SLC17A1: variants seen among roughly 807,000 people sequenced by gnomAD.
The protein encoded by SLC17A1 is solute carrier family 17 member 1.
Under a neutral mutation model 53.5 loss-of-function variants are expected in SLC17A1, and 51 were observed. That is an observed-to-expected ratio of 0.95 (90% CI 0.76 to 1.20). The LOEUF (loss-of-function observed/expected upper bound fraction) is 1.20. SLC17A1 is among the 50% of genes most tolerant of loss of function. The probability of loss-of-function intolerance (pLI) is 0.00; values close to 1 mark genes in which losing one functional copy is unlikely to be tolerated. For missense variants in SLC17A1, 538 were observed against 568.2 expected (o/e 0.95, Z 0.54); for synonymous variants, 179 against 198.8 (o/e 0.90, Z 0.84).
At chr6:25,768,287 G>T in the SLC17A1 span, 2 of 771,064 alleles carry the variant, frequency 2.6e-6, no homozygotes, top group Middle Eastern at 6.6e-4. Flanking sequence ...CAAGAAAATG[G>T]CATCTTCATA....
chr6:25,830,630 T>C (rs1764913792), intron 1 of SLC17A1, 23 bp from the exon 2 acceptor site: 5 of 1,567,790 alleles, frequency 3.2e-6, no homozygotes, highest in Middle Eastern at 1.7e-4. Context: ...AACACGTTGA[T>C]GTCAGCATAA....
At chr6:25,791,337 A>C (rs1408911678) in intron 12 of SLC17A1, among the ~76,000 whole-genome samples, 1 of 152,194 alleles carries the variant, frequency 6.6e-6, no homozygotes, top group African/African-American at 2.4e-5. Flanking sequence ...AGTGAAAATG[A>C]TGTTTTTTTT....
Position 25,802,935 on chromosome 6 carries a change from C to CTTTTTTTTTTTTTTTTTTTT in SLC17A1, c.1179-1975_1179-1956dup, listed in dbSNP as rs34669145. On this transcript the variant is annotated intron_variant, in intron 10 of 12. Coordinates refer to ENST00000244527, the MANE Select transcript of SLC17A1 (RefSeq NM_005074.5). The stretch of plus-strand genomic sequence containing the variant: ...ATGACGTTTTAACGACTATCTTCTT[C>CTTTTTTTTTTTTTTTTTTTT]TTTTTTTTTTTTTTTTTTTTTTTTT... 3.0e-4 allele frequency among the ~76,000 whole-genome samples: 14 copies of CTTTTTTTTTTTTTTTTTTTT among 46,062 alleles called. 3 individuals carry two copies. Among genetic ancestry groups the CTTTTTTTTTTTTTTTTTTTT allele is most frequent in the African/African-American group, 8.1e-4 (9 of 11,086 alleles). The allele number at this position is 46,062 out of a possible 152,430, so 30.2% of individuals were successfully genotyped here. A position where few individuals can be genotyped will look rare whatever the true frequency, so the allele number is the denominator to read the frequency against.
chr6:25,803,683 A>C (rs780641828), intron 10 of SLC17A1, among the ~76,000 whole-genome samples: 7 of 152,080 alleles, frequency 4.6e-5, no homozygotes, highest in Non-Finnish European at 1.0e-4. Context: ...TCTGAACCTC[A>C]GTTTCTTTAG....
the SLC17A1 span, among the ~76,000 whole-genome samples, chr6:25,739,087 C>T: frequency 6.6e-6 from 1 of 151,726 alleles, no homozygotes; most frequent in Non-Finnish European, 1.5e-5. Context: ...TGGGCTGCTA[C>T]AACAAAAATA....
chr6:25,828,760 G>A (rs1245316528), intron 2 of SLC17A1, among the ~76,000 whole-genome samples: 3 of 152,070 alleles, frequency 2.0e-5, no homozygotes, highest in Admixed American at 6.5e-5. Context: ...TTATAGAATC[G>A]TTTGAACTAG....
the SLC17A1 span, chr6:25,725,987 G>A: frequency 1.4e-6 from 1 of 720,640 alleles, no homozygotes; most frequent in Non-Finnish European, 2.3e-6. Context: ...GCTTAAACGG[G>A]CATTTGTGAC....
rs149930691 is a variant in SLC17A1 at position 25,822,186 on chromosome 6, T to C, written c.208-2271A>G. ...TTTCTATAATCAGTGTTTCTTACTG[T>C]GGTAAAATATCTGTGTGTGTCTGTT... On this transcript the variant is annotated intron_variant, in intron 3 of 12. Coordinates refer to ENST00000244527, the MANE Select transcript of SLC17A1 (RefSeq NM_005074.5). Among the ~76,000 whole-genome samples the C allele has an allele frequency of 7.6e-3, 1,161 of 152,284 alleles. 6 individuals carry two copies. Among genetic ancestry groups the C allele is most frequent in the Middle Eastern group, 0.024 (7 of 294 alleles).
At chr6:25,798,688 C>G (rs951490727) in intron 12 of SLC17A1, 95 bp downstream of exon 12, 1 of 1,174,518 alleles carries the variant, frequency 8.5e-7, no homozygotes, top group Non-Finnish European at 1.2e-6. Flanking sequence ...CAAACCTGCA[C>G]CCGTTATTCC....
the SLC17A1 span, chr6:25,777,487 C>T: frequency 3.8e-5 from 6 of 157,034 alleles, no homozygotes; most frequent in Non-Finnish European, 8.3e-5. Flanking sequence ...GGGGAGCCGA[C>T]GTCTCATCTG....
the SLC17A1 span, among the ~76,000 whole-genome samples, chr6:25,766,741 C>CA: frequency 6.6e-6 from 1 of 152,186 alleles, no homozygotes; most frequent in Non-Finnish European, 1.5e-5. Context: ...GGATGCCCCA[C>CA]AAAACACCTG....
At chr6:25,747,744 G>A in the SLC17A1 span, among the ~76,000 whole-genome samples, 1 of 152,202 alleles carries the variant, frequency 6.6e-6, no homozygotes, top group African/African-American at 2.4e-5. Context: ...TTTGGAGTTG[G>A]AGAAGACAGC....
At chr6:25,819,209 G>T in intron 5 of SLC17A1, 55 bp from the exon 6 acceptor site, 1 of 1,259,438 alleles carries the variant, frequency 7.9e-7, no homozygotes, top group Non-Finnish European at 1.1e-6. Context: ...TGAAAGCAGA[G>T]ATAATGTAGC....
At chr6:25,799,226 G>GT (rs1221454630) in intron 11 of SLC17A1, among the ~76,000 whole-genome samples, 1 of 151,662 alleles carries the variant, frequency 6.6e-6, no homozygotes, top group East Asian at 1.9e-4. Context: ...TCTTTTCAAG[G>GT]TATCTTATGT....
the SLC17A1 span, among the ~76,000 whole-genome samples, chr6:25,736,228 G>A: frequency 0.24 from 36,929 of 151,896 alleles, 4,651 homozygotes; most frequent in Middle Eastern, 0.27. Context: ...AGAACTGTTA[G>A]TGGGCCCCAC....
the SLC17A1 span, chr6:25,726,798 T>TG: frequency 2.2e-4 from 291 of 1,347,764 alleles, no homozygotes; most frequent in Admixed American, 7.7e-4. Context: ...TGGCGAGACT[T>TG]GGAGCTGAGG....
chr6:25,748,891 C>T, the SLC17A1 span, among the ~76,000 whole-genome samples: 8 of 152,244 alleles, frequency 5.3e-5, no homozygotes, highest in Non-Finnish European at 8.8e-5. Flanking sequence ...CAACATGTCT[C>T]GCCTCCCGCC....
chr6:25,793,799 G>C (rs928875689), intron 12 of SLC17A1, among the ~76,000 whole-genome samples: 2 of 152,114 alleles, frequency 1.3e-5, no homozygotes, highest in Non-Finnish European at 2.9e-5. Flanking sequence ...TATGAATGTA[G>C]GTAATACATC....
the SLC17A1 span, among the ~76,000 whole-genome samples, chr6:25,774,600 G>T: frequency 6.6e-6 from 1 of 152,190 alleles, no homozygotes; most frequent in Non-Finnish European, 1.5e-5. Context: ...TAATCCAGGG[G>T]ATTGGGACAC....
Sources: gnomAD v4.1 joint callset for allele counts (sites outside exome capture counted in the v4.1 genomes callset) on GRCh38, gnomAD v4.1.1 for gene constraint, MANE v1.5 for transcripts, NCBI Gene and HGNC (gene_info 2026-07-23, HGNC 2026-07-21) for gene names.